Variants in MAPK8 observed in about 807,000 individuals in gnomAD.
MAPK8 encodes the protein mitogen-activated protein kinase 8, also known as JUN N-terminal kinase.
A neutral mutation model predicts 52.9 loss-of-function variants in MAPK8; 13 were observed. The observed-to-expected ratio is 0.25, with a 90% CI of 0.16 to 0.39. The LOEUF (loss-of-function observed/expected upper bound fraction) is 0.39, where lower values mean the gene tolerates loss of function less well. Ranked by LOEUF, MAPK8 falls within the 10% of genes least tolerant of loss-of-function variation. The pLI is 1.00. For synonymous variants in MAPK8, 191 were observed against 169.8 expected (o/e 1.12, Z -0.97); for missense variants, 300 against 519.2 (o/e 0.58, Z 4.10).
chr10:48,317,527 A>G (rs1368075704), intron 1 of MAPK8, among the ~76,000 whole-genome samples: 1 of 151,974 alleles, frequency 6.6e-6, no homozygotes, highest in South Asian at 2.1e-4. Flanking sequence ...GGTGCAGACC[A>G]CTCTTTTAAG....
At chr10:48,374,714 AATAACAAGTTCTGAAATT>A in intron 1 of MAPK8, among the ~76,000 whole-genome samples, 1 of 152,220 alleles carries the variant, frequency 6.6e-6, no homozygotes, top group Non-Finnish European at 1.5e-5. Flanking sequence ...TGAATAGACC[AATAACAAGTTCTGAAATT>A]GAGGCAGTAC....
intron 1 of MAPK8, among the ~76,000 whole-genome samples, chr10:48,322,920 C>G (rs1843130985): frequency 6.6e-6 from 1 of 152,048 alleles, no homozygotes; most frequent in South Asian, 2.1e-4. Context: ...GGGCAGGTGT[C>G]CAGTTTTTCT....
rs1278183335 is a variant in MAPK8 at position 48,438,147 on chromosome 10, A to G, written c.*3118A>G. On this transcript the variant is annotated 3_prime_UTR_variant, in exon 12 of 12. Transcript: ENST00000374189. The stretch of plus-strand genomic sequence containing the variant: ...AGTTTGTGAGTGTTGTTCATTAGTT[A>G]CACATTAGCTATAGAGTGGATGCAT... The G allele has an allele frequency of 2.6e-5, 4 of 152,248 alleles. No individual in the cohort carries two copies. The highest frequency in any genetic ancestry group is 4.8e-5 in the African/African-American group (2 of 41,470). The allele number at this position is 152,248 out of a possible 1,614,324, so 9.4% of individuals were successfully genotyped here. A position where few individuals can be genotyped will look rare whatever the true frequency, so the allele number is the denominator to read the frequency against.
rs73293201 is a variant in MAPK8 at position 48,341,500 on chromosome 10, A to G, written c.-50+34679A>G. ...TAATGCAGATATTCCAAAATCTGAA[A>G]AAATTAGAAATGAAACACTTTTTGG... On this transcript the variant is annotated intron_variant, in intron 1 of 11. Transcript: ENST00000374189. Among the ~76,000 whole-genome samples, 631 of 152,350 alleles carry G rather than the reference A, an allele frequency of 4.1e-3. 6 individuals are homozygous for G. The highest frequency in any genetic ancestry group is 0.017 in the East Asian group (90 of 5,188).
rs76536623 is a variant in MAPK8, at chr10:48,321,861, C to A, written c.-50+15040C>A. Reference sequence around the variant, plus strand: ...TATTCCATTGATCTATGTGTCTATTCTTAGGTTCCCACGGTGTGTTGATTA... The same window carrying A: ...TATTCCATTGATCTATGTGTCTATTATTAGGTTCCCACGGTGTGTTGATTA... On this transcript the variant is annotated intron_variant, in intron 1 of 11. Coordinates refer to ENST00000374189, the MANE Select transcript of MAPK8 (RefSeq NM_001323329.2). Among the ~76,000 whole-genome samples, 41 of 152,046 alleles carry A rather than the reference C, an allele frequency of 2.7e-4. 1 individual carries two copies. In the East Asian group the frequency reaches 7.9e-3, roughly 29 times the overall value.
chr10:48,343,981 G>A (rs182350010), intron 1 of MAPK8, among the ~76,000 whole-genome samples: 2 of 152,284 alleles, frequency 1.3e-5, no homozygotes, highest in East Asian at 3.9e-4. Flanking sequence ...GGAATCTAAG[G>A]AGTTTGATAT....
chr10:48,362,821 A>G (rs1266963974), intron 1 of MAPK8, among the ~76,000 whole-genome samples: 1 of 147,638 alleles, frequency 6.8e-6, no homozygotes, highest in Non-Finnish European at 1.5e-5. Flanking sequence ...GCTCACTGCA[A>G]CCTCCACCTC....
intron 1 of MAPK8, among the ~76,000 whole-genome samples, chr10:48,312,811 A>G (rs1336309803): frequency 6.6e-6 from 1 of 152,220 alleles, no homozygotes; most frequent in Non-Finnish European, 1.5e-5. Flanking sequence ...ATTTGTTTAC[A>G]TTTTATATTT....
At chr10:48,353,723 A>G (rs1846561226) in intron 1 of MAPK8, among the ~76,000 whole-genome samples, 1 of 152,260 alleles carries the variant, frequency 6.6e-6, no homozygotes, top group South Asian at 2.1e-4. Context: ...GCAACTAATC[A>G]GAACTCTTAA....
At chr10:48,378,362 G>A (rs1363119077) in intron 1 of MAPK8, among the ~76,000 whole-genome samples, 1 of 152,116 alleles carries the variant, frequency 6.6e-6, no homozygotes, top group African/African-American at 2.4e-5. Flanking sequence ...ATCATCCCTA[G>A]TCTTTGGAAT....
Position 48,324,194 on chromosome 10 carries a change from C to G in MAPK8, c.-50+17373C>G, listed in dbSNP as rs897963494. 2.0e-4 allele frequency among the ~76,000 whole-genome samples: 30 copies of G among 152,298 alleles called. 1 individual carries two copies. The highest frequency in any genetic ancestry group is 1.4e-3 in the Admixed American group (22 of 15,302). ...TATGTCATACTTAAGCCCTTAATAT[C>G]TAGTTCATATTCAAGTTTTGCTAAT... On this transcript the variant is annotated intron_variant, in intron 1 of 11. Transcript: ENST00000374189.
At chr10:48,413,855 A>G (rs2042911788) in intron 5 of MAPK8, among the ~76,000 whole-genome samples, 1 of 126,020 alleles carries the variant, frequency 7.9e-6, no homozygotes, top group Non-Finnish European at 1.7e-5. Flanking sequence ...ATATATATAT[A>G]TATATTCAGA....
intron 1 of MAPK8, among the ~76,000 whole-genome samples, chr10:48,399,996 C>T (rs1390948472): frequency 6.6e-6 from 1 of 152,218 alleles, no homozygotes; most frequent in Non-Finnish European, 1.5e-5. Context: ...TAATAAAGGG[C>T]TTGACAGCCA....
intron 1 of MAPK8, among the ~76,000 whole-genome samples, chr10:48,368,051 T>C (rs186230298): frequency 4.7e-4 from 71 of 152,300 alleles, no homozygotes; most frequent in Admixed American, 1.1e-3. Context: ...TAAGAAATCA[T>C]TGAAATATTT....
intron 1 of MAPK8, 184 bp downstream of exon 1, chr10:48,307,005 G>C (rs1287853530): frequency 4.6e-5 from 7 of 151,970 alleles, no homozygotes; most frequent in Admixed American, 2.6e-4. Context: ...GGGGCCAGCC[G>C]AGGGGGCGTG....
chr10:48,348,698 G>A (rs904330062), intron 1 of MAPK8, among the ~76,000 whole-genome samples: 1 of 152,156 alleles, frequency 6.6e-6, no homozygotes, highest in Non-Finnish European at 1.5e-5. Context: ...GATCGTTGTA[G>A]ATGTGTGGTG....
chr10:48,385,189 G>C (rs779481907), intron 1 of MAPK8, among the ~76,000 whole-genome samples: 10 of 152,074 alleles, frequency 6.6e-5, no homozygotes, highest in African/African-American at 1.4e-4. Flanking sequence ...TAGCTCAAGG[G>C]GTAGTGAGAC....
chr10:48,323,767 T>C (rs575748163), intron 1 of MAPK8, among the ~76,000 whole-genome samples: 35 of 152,366 alleles, frequency 2.3e-4, no homozygotes, highest in Admixed American at 2.0e-3. Context: ...ACTGGGTGTA[T>C]TTCAGAAGGT....
chr10:48,431,227 G>A lies in MAPK8; in HGVS notation c.1095G>A (p.Glu365=), dbSNP rs956965242. The A allele has an allele frequency of 6.2e-7, 1 of 1,612,122 alleles. No homozygotes were observed. Among genetic ancestry groups the A allele is most frequent in the Non-Finnish European group, 8.5e-7 (1 of 1,178,334 alleles). The change falls in exon 11 of 12, where the codon GAG becomes GAA. Residue 365 remains glutamate, a synonymous_variant. Coordinates refer to ENST00000374189, the MANE Select transcript of MAPK8 (RefSeq NM_001323329.2). ...ATAAGGAAGTTATGGACTTGGAGGA[G>A]AGAACCAAGAATGGAGTTATACGGG... ...LIYKEVMDLE[E]RTKNGVIRGQ...
Sources: gnomAD v4.1 joint callset for allele counts (sites outside exome capture counted in the v4.1 genomes callset) on GRCh38, gnomAD v4.1.1 for gene constraint, MANE v1.5 for transcripts, NCBI Gene and HGNC (gene_info 2026-07-23, HGNC 2026-07-21) for gene names.